Variants in HELLS observed in about 807,000 individuals in gnomAD.
HELLS encodes helicase, lymphoid specific.
Under a neutral mutation model 120.0 loss-of-function variants are expected in HELLS, and 32 were observed. The ratio of observed to expected loss-of-function variants is 0.27; its 90% CI spans 0.20 to 0.36. The LOEUF (loss-of-function observed/expected upper bound fraction) is 0.36. Among genes scored for constraint, HELLS ranks in the 10% least tolerant of loss-of-function variants. The pLI is 1.00. For missense variants in HELLS, 650 were observed against 993.4 expected (o/e 0.65, Z 4.65); for synonymous variants, 341 against 323.4 (o/e 1.05, Z -0.58).
chr10:94,576,842 A>C, intron 10 of HELLS, 37 bp downstream of exon 10: 2 of 1,530,612 alleles, frequency 1.3e-6, no homozygotes, highest in Non-Finnish European at 1.8e-6. Context: ...TGTAATACAT[A>C]AAACATGCTT....
chr10:94,562,122 G>C (rs1488950077), intron 4 of HELLS, among the ~76,000 whole-genome samples: 1 of 151,746 alleles, frequency 6.6e-6, no homozygotes, highest in African/African-American at 2.4e-5. Context: ...CCAACTATGG[G>C]CTGGGTGCAG....
chr10:94,549,208 A>G (rs567719880), intron 2 of HELLS, among the ~76,000 whole-genome samples: 12 of 152,336 alleles, frequency 7.9e-5, no homozygotes, highest in East Asian at 3.9e-4. Context: ...CTTGAGATTA[A>G]TAAACATGTC....
At chr10:94,612,549 G>A (rs550685194) in exon 10 of HELLS, 2 of 152,108 alleles carry the variant, frequency 1.3e-5, no homozygotes, top group African/African-American at 2.4e-5. Context: ...TGTATATTCC[G>A]AAACTTTCAG....
At chr10:94,586,411 G>A (rs533596711) in intron 12 of HELLS, among the ~76,000 whole-genome samples, 267 of 152,268 alleles carry the variant, frequency 1.8e-3, no homozygotes, top group African/African-American at 5.6e-3. Flanking sequence ...GTGAGCCACC[G>A]CGCCCGGCCG....
In HELLS at chr10:94,546,361, C is replaced by T. The variant is rs945236596; in HGVS notation, c.32-16C>T. ...TTTTTTTAAAACTGCAATTTGAAAG[C>T]TTTCTCCCCCGTCAGGCTCGGAGGC... is the stretch of plus-strand genomic sequence containing the variant. On this transcript the variant is annotated splice_polypyrimidine_tract_variant and intron_variant, in intron 1 of 21. Transcript: ENST00000348459. 1 of 1,613,986 alleles carries T rather than the reference C, an allele frequency of 6.2e-7. No homozygotes were observed. Among genetic ancestry groups the T allele is most frequent in the African/African-American group, 1.3e-5 (1 of 75,036 alleles).
At chr10:94,548,810 A>G (rs754865088) in intron 2 of HELLS, among the ~76,000 whole-genome samples, 2 of 152,136 alleles carry the variant, frequency 1.3e-5, no homozygotes, top group African/African-American at 4.8e-5. Flanking sequence ...TTTGGCCAAC[A>G]TGGTGAAACC....
rs1240509000 is a variant in HELLS at position 94,545,841 on chromosome 10, C to A, written c.-81C>A. ...GGGGGATTTGGCTAGAAGGCTGGGC[C>A]GGCAGCGGTTGTGAGGAGTTAGCTC... On this transcript the variant is annotated 5_prime_UTR_variant, in exon 1 of 22. Transcript: ENST00000348459. The A allele has an allele frequency of 1.1e-5, 16 of 1,460,860 alleles. No homozygotes were observed. The highest frequency in any genetic ancestry group is 1.4e-5 in the Non-Finnish European group (15 of 1,064,184). The allele number at this position is 1,460,860 out of a possible 1,614,324, so 90.5% of individuals were successfully genotyped here.
At chr10:94,553,614 T>G (rs1843092790) in intron 2 of HELLS, among the ~76,000 whole-genome samples, 1 of 146,232 alleles carries the variant, frequency 6.8e-6, no homozygotes, top group South Asian at 2.2e-4. Flanking sequence ...TGGCATGATC[T>G]CGGCTCACTG....
intron 21 of HELLS, among the ~76,000 whole-genome samples, chr10:94,598,004 C>CTTTTTTTTTT (rs1399975616): frequency 7.0e-6 from 1 of 141,884 alleles, no homozygotes; most frequent in Non-Finnish European, 1.6e-5. Context: ...TATATTGCTT[C>CTTTTTTTTTT]TTTTTTTTTT....
chr10:94,585,721 A>T (rs1845109016), intron 12 of HELLS, among the ~76,000 whole-genome samples: 3 of 148,984 alleles, frequency 2.0e-5, no homozygotes. Flanking sequence ...ACAATGTCCT[A>T]CTATGACATC....
chr10:94,580,859 G>T (rs1300798996), intron 10 of HELLS, among the ~76,000 whole-genome samples: 4 of 152,078 alleles, frequency 2.6e-5, no homozygotes, highest in Admixed American at 2.0e-4. Context: ...CAATTTCCTT[G>T]ATAACTTTAT....
intron 6 of HELLS, among the ~76,000 whole-genome samples, chr10:94,564,881 C>G (rs544748686): frequency 1.3e-5 from 2 of 152,072 alleles, no homozygotes; most frequent in African/African-American, 4.8e-5. Context: ...AGGCATGAGG[C>G]ACCACTCCTG....
chr10:94,586,340 C>A (rs773250632), intron 12 of HELLS, among the ~76,000 whole-genome samples: 1 of 152,160 alleles, frequency 6.6e-6, no homozygotes, highest in Admixed American at 6.5e-5. Context: ...CCGGGATGGT[C>A]TCGATCTCCT....
In HELLS at chr10:94,592,451, T is replaced by C; in HGVS notation, c.1908T>C (p.His636=). The change falls in exon 17 of 22, where the codon CAT becomes CAC. Residue 636 remains histidine, a synonymous_variant. Coordinates refer to ENST00000348459, the MANE Select transcript of HELLS (RefSeq NM_018063.5). ...SMLDILMDYC[H]LRDFNFSRLD... The stretch of plus-strand genomic sequence containing the variant: ...TGGACATTTTGATGGATTACTGCCA[T>C]CTCAGAGATTTCAACTTCAGCAGGC... 3 of 1,582,114 alleles carry C rather than the reference T, an allele frequency of 1.9e-6. No individual in the cohort carries two copies. The highest frequency in any genetic ancestry group is 8.6e-7 in the Non-Finnish European group (1 of 1,168,398).
chr10:94,589,396 T>C (rs2134102916), intron 13 of HELLS, among the ~76,000 whole-genome samples: 1 of 152,284 alleles, frequency 6.6e-6, no homozygotes, highest in Admixed American at 6.5e-5. Flanking sequence ...TATTGGAGCA[T>C]TTGTATTTTC....
At chr10:94,562,786 A>G in intron 5 of HELLS, 26 bp from the exon 6 acceptor site, 1 of 1,539,520 alleles carries the variant, frequency 6.5e-7, no homozygotes, top group Non-Finnish European at 8.9e-7. Flanking sequence ...TTTAATTGCT[A>G]TCAAAAATAA....
intron 6 of HELLS, 73 bp downstream of exon 6, chr10:94,562,949 T>G: frequency 1.2e-6 from 1 of 841,940 alleles, no homozygotes; most frequent in Non-Finnish European, 1.9e-6. Context: ...ACCTTAAATC[T>G]GTAAAGATTG....
rs1236423511 is a variant in HELLS at position 94,594,834 on chromosome 10, A to G, written c.2228A>G (p.Glu743Gly). The change falls in exon 19 of 22, where the codon GAA becomes GGA. Residue 743 changes from glutamate (E) to glycine (G), a missense_variant. By Grantham distance (98) the Glu-to-Gly change is moderately conservative (BLOSUM62 -2). Around this residue, in one of 9 missense-constraint regions of HELLS, gnomAD observed 90 missense variants for 109.2 expected, o/e 0.82. Coordinates refer to ENST00000348459, the MANE Select transcript of HELLS (RefSeq NM_018063.5). ...AGAGCAGCTGCTAAAAGGAAACTGG[A>G]AAAGTTGATCATCCATAAAAGTAAA... ...VERAAAKRKL[E>G]KLIIHKNHFK... is the part of the protein sequence containing the mutation. 6.2e-7 allele frequency: 1 copy of G among 1,612,662 alleles called. No individual in the cohort carries two copies. Among genetic ancestry groups the G allele is most frequent in the South Asian group, 1.1e-5 (1 of 91,020 alleles).
chr10:94,564,908 T>TA (rs539438350), intron 6 of HELLS, among the ~76,000 whole-genome samples: 39 of 148,924 alleles, frequency 2.6e-4, no homozygotes, highest in Middle Eastern at 3.4e-3. Context: ...TTCTTATATT[T>TA]AAAAAAAAAA....
Sources: allele counts gnomAD v4.1 joint callset (sites outside exome capture counted in the v4.1 genomes callset), GRCh38; gene constraint gnomAD v4.1.1; regional missense constraint gnomAD v4.1.1; transcripts MANE v1.5; gene names NCBI Gene and HGNC (gene_info 2026-07-23, HGNC 2026-07-21).